WWOX: variants seen among roughly 807,000 people sequenced by gnomAD.
WWOX encodes WW domain-containing oxidoreductase.
A neutral mutation model predicts 46.2 loss-of-function variants in WWOX; 69 were observed. The observed-to-expected ratio is 1.49, with a 90% CI of 1.23 to 1.82. The LOEUF is 1.82. WWOX is among the 40% of genes most tolerant of loss of function. The pLI is 0.00. For missense variants in WWOX, 919 were observed against 542.6 expected, an observed-to-expected ratio of 1.69 and a Z score of -6.89; for synonymous variants, 359 against 202.6, an observed-to-expected ratio of 1.77 and a Z score of -6.56.
At chr16:78,921,561 G>T (rs1018159) in intron 8 of WWOX, among the ~76,000 whole-genome samples, 85,122 of 152,038 alleles carry the variant, frequency 0.56, 25,887 homozygotes, top group Non-Finnish European at 0.67. Context: ...CATTGGGACT[G>T]AGCAGCTTAC....
At chr16:78,355,451 A>T in intron 5 of WWOX, 1 of 322,466 alleles carries the variant, frequency 3.1e-6, no homozygotes. Context: ...AAGTACAAAA[A>T]ATTAGCCTGG....
intron 4 of WWOX, among the ~76,000 whole-genome samples, chr16:78,159,316 G>A (rs1597285403): frequency 6.6e-6 from 1 of 152,142 alleles, no homozygotes; most frequent in Admixed American, 6.5e-5. Context: ...CTTTGGATAT[G>A]TATCCAGAAG....
chr16:78,617,349 C>T (rs796177135), intron 8 of WWOX, among the ~76,000 whole-genome samples: 54 of 151,348 alleles, frequency 3.6e-4, no homozygotes, highest in African/African-American at 1.3e-3. Context: ...TTGCAGTGAG[C>T]CGACATTGCA....
intron 8 of WWOX, among the ~76,000 whole-genome samples, chr16:78,888,166 A>G (rs1419743556): frequency 6.6e-6 from 1 of 152,140 alleles, no homozygotes; most frequent in Admixed American, 6.5e-5. Flanking sequence ...TTAAAAGGTG[A>G]GCTCCTTAAA....
At chr16:78,378,043 C>A (rs143090757) in intron 5 of WWOX, among the ~76,000 whole-genome samples, 2,032 of 152,074 alleles carry the variant, frequency 0.013, 22 homozygotes, top group Non-Finnish European at 0.019. Flanking sequence ...AAGGTTGATG[C>A]TGGATGGTTG....
intron 8 of WWOX, among the ~76,000 whole-genome samples, chr16:78,587,691 G>A (rs182697803): frequency 6.6e-6 from 1 of 152,100 alleles, no homozygotes; most frequent in East Asian, 1.9e-4. Context: ...AGATAGGGAG[G>A]TGCTTGATGG....
chr16:78,905,595 G>C (rs368340396), intron 8 of WWOX, among the ~76,000 whole-genome samples: 10 of 151,918 alleles, frequency 6.6e-5, no homozygotes, highest in Non-Finnish European at 7.4e-5. Context: ...TGACCAGGCC[G>C]GACTCAAACT....
At chr16:78,663,885 A>C (rs1329353221) in intron 8 of WWOX, among the ~76,000 whole-genome samples, 1 of 152,202 alleles carries the variant, frequency 6.6e-6, no homozygotes, top group Non-Finnish European at 1.5e-5. Flanking sequence ...AAGGGAGAGT[A>C]AGTGGTGAAT....
At chr16:78,190,999 C>T (rs537009267) in intron 5 of WWOX, among the ~76,000 whole-genome samples, 3 of 152,306 alleles carry the variant, frequency 2.0e-5, no homozygotes, top group Non-Finnish European at 4.4e-5. Flanking sequence ...TCCACAATGT[C>T]CACATACCAG....
intron 5 of WWOX, among the ~76,000 whole-genome samples, chr16:78,321,510 C>T (rs1025203839): frequency 1.3e-5 from 2 of 151,230 alleles, no homozygotes; most frequent in African/African-American, 4.9e-5. Flanking sequence ...GGAGTGGATT[C>T]GTAGTCTGCC....
chr16:78,713,995 C>T (rs1024117451), intron 8 of WWOX, among the ~76,000 whole-genome samples: 1 of 152,092 alleles, frequency 6.6e-6, no homozygotes, highest in African/African-American at 2.4e-5. Context: ...TACTCTAGTT[C>T]TCTTTCCGTG....
At chr16:78,780,770 C>T (rs1402289444) in intron 8 of WWOX, among the ~76,000 whole-genome samples, 4 of 152,134 alleles carry the variant, frequency 2.6e-5, no homozygotes, top group Non-Finnish European at 5.9e-5. Flanking sequence ...AAGAAAGGGG[C>T]CCGTATGGCT....
intron 8 of WWOX, among the ~76,000 whole-genome samples, chr16:78,942,002 G>A (rs1010086749): frequency 6.6e-6 from 1 of 152,168 alleles, no homozygotes; most frequent in Non-Finnish European, 1.5e-5. Context: ...AAAGTGGGTG[G>A]AAGTATTGGC....
intron 8 of WWOX, among the ~76,000 whole-genome samples, chr16:78,946,549 C>G (rs561897405): frequency 5.3e-5 from 8 of 152,088 alleles, no homozygotes; most frequent in African/African-American, 1.9e-4. Context: ...ATGACCAAAC[C>G]AGTCTTTCCG....
At chr16:78,737,073 T>G (rs1302785588) in intron 8 of WWOX, among the ~76,000 whole-genome samples, 1 of 152,004 alleles carries the variant, frequency 6.6e-6, no homozygotes. Flanking sequence ...GGTCGTTCCT[T>G]GCTCATCTGT....
At chr16:79,188,704 G>A (rs1411306241) in intron 8 of WWOX, among the ~76,000 whole-genome samples, 1 of 152,238 alleles carries the variant, frequency 6.6e-6, no homozygotes. Context: ...TTAGCACAAA[G>A]TCCTGATGTT....
chr16:79,106,002 A>G (rs1417461007), intron 8 of WWOX: 1 of 152,152 alleles, frequency 6.6e-6, no homozygotes, highest in Non-Finnish European at 1.5e-5. Context: ...AGTAAATATT[A>G]TTTTACATCA....
At chr16:78,792,526 A>G (rs967558531) in intron 8 of WWOX, among the ~76,000 whole-genome samples, 7 of 152,184 alleles carry the variant, frequency 4.6e-5, no homozygotes, top group Non-Finnish European at 8.8e-5. Context: ...GGCAGAGGGC[A>G]TGGATAAGGG....
At chr16:78,538,001 A>G (rs1267933154) in intron 8 of WWOX, among the ~76,000 whole-genome samples, 1 of 152,032 alleles carries the variant, frequency 6.6e-6, no homozygotes, top group African/African-American at 2.4e-5. Context: ...GATTCTTGAA[A>G]ACGGAAAAGA....
Sources: gnomAD v4.1 joint callset for allele counts (sites outside exome capture counted in the v4.1 genomes callset) on GRCh38, gnomAD v4.1.1 for gene constraint, MANE v1.5 for transcripts, NCBI Gene and HGNC (gene_info 2026-07-23, HGNC 2026-07-21) for gene names.